RSAD2: variants seen among roughly 807,000 people sequenced by gnomAD.
RSAD2 encodes the protein S-adenosylmethionine-dependent nucleotide dehydratase RSAD2.
In RSAD2, 38 loss-of-function variants were observed where a neutral mutation model predicts 37.7. That is an observed-to-expected ratio of 1.01 (90% confidence interval 0.78 to 1.32). The LOEUF is 1.32. Among genes scored for constraint, RSAD2 ranks in the 40% most tolerant of loss-of-function variants. RSAD2 has a pLI of 0.00. For missense variants in RSAD2, 428 were observed against 437.5 expected, an observed-to-expected ratio of 0.98 and a Z score of 0.19; for synonymous variants, 163 against 157.4, an observed-to-expected ratio of 1.04 and a Z score of -0.27.
chr2:6,872,454 G>T (rs1324625366), intron 1 of RSAD2, among the ~76,000 whole-genome samples: 1 of 152,166 alleles, frequency 6.6e-6, no homozygotes, highest in Non-Finnish European at 1.5e-5. Context: ...CTAAGAAATA[G>T]TATGGTGATT....
At chr2:6,865,973 C>G in exon 1 of RSAD2, 2 of 967,378 alleles carry the variant, frequency 2.1e-6, no homozygotes, top group Non-Finnish European at 2.8e-6. Context: ...CGCGGCTCCG[C>G]GGGCCTGCGC....
chr2:6,888,249 T>C (rs1194343336), intron 3 of RSAD2, among the ~76,000 whole-genome samples: 2 of 152,196 alleles, frequency 1.3e-5, no homozygotes, highest in Admixed American at 6.5e-5. Context: ...TGTCCTGTAA[T>C]ATGTGGAAAT....
At chr2:6,872,477 T>C (rs758830173) in intron 1 of RSAD2, among the ~76,000 whole-genome samples, 43 of 152,162 alleles carry the variant, frequency 2.8e-4, no homozygotes, top group Non-Finnish European at 5.4e-4. Context: ...AGTGTGTGAT[T>C]AAGCTATTTA....
At chr2:6,888,016 T>C (rs982995509) in intron 3 of RSAD2, among the ~76,000 whole-genome samples, 5 of 152,232 alleles carry the variant, frequency 3.3e-5, no homozygotes, top group African/African-American at 7.2e-5. Context: ...AGTGGAAGGC[T>C]TCATATAGGA....
intron 1 of RSAD2, among the ~76,000 whole-genome samples, chr2:6,882,909 C>T (rs1247624924): frequency 2.0e-5 from 3 of 152,202 alleles, no homozygotes; most frequent in African/African-American, 7.2e-5. Flanking sequence ...TTAATTCCTG[C>T]TTTACGTTTT....
chr2:6,878,323 G>A lies in RSAD2; in HGVS notation c.346+177G>A, dbSNP rs372715957. 9.7e-4 allele frequency among the ~76,000 whole-genome samples: 148 copies of A among 152,306 alleles called. 1 individual carries two copies. Among genetic ancestry groups the A allele is most frequent in the African/African-American group, 3.5e-3 (144 of 41,570 alleles). ...AGAAAATAATTCAGTGAATTTTGGAGTGGGCACCTAGTCCTTCCTAAATCA... is the reference window on the plus strand; with the variant it reads ...AGAAAATAATTCAGTGAATTTTGGAATGGGCACCTAGTCCTTCCTAAATCA... On this transcript the variant is annotated intron_variant, in intron 1 of 5. Coordinates refer to ENST00000382040, the MANE Select transcript of RSAD2 (RefSeq NM_080657.5).
rs374378980 is a variant in RSAD2, at chr2:6,881,857, G to T, written c.347-1514G>T. On this transcript the variant is annotated intron_variant, in intron 1 of 5. Transcript: ENST00000382040. ...TCCTAGAACGCAGGCAGGCAGGTGT[G>T]TAATGCATAGACCCCATCCTCCTAA... 1.1e-3 allele frequency among the ~76,000 whole-genome samples: 170 copies of T among 152,098 alleles called. 1 individual carries two copies. The South Asian group carries it at 0.014, about 13-fold the overall frequency.
upstream of RSAD2, among the ~76,000 whole-genome samples, chr2:6,875,543 A>T (rs191240342): frequency 9.2e-5 from 14 of 152,206 alleles, no homozygotes; most frequent in African/African-American, 3.1e-4. Context: ...ATTCTTTTCC[A>T]ACTAGTACCC....
chr2:6,867,193 A>G (rs1337211590), intron 1 of RSAD2, among the ~76,000 whole-genome samples: 2 of 152,216 alleles, frequency 1.3e-5, no homozygotes, highest in African/African-American at 4.8e-5. Context: ...CCTGGCTGCC[A>G]TAACAAAATA....
In RSAD2 at chr2:6,878,147, G is replaced by A; in HGVS notation, c.346+1G>A. The A allele has an allele frequency of 6.2e-7, 1 of 1,611,352 alleles. No individual in the cohort carries two copies. Among genetic ancestry groups the A allele is most frequent in the Non-Finnish European group, 8.5e-7 (1 of 1,178,608 alleles). On this transcript the variant is annotated splice_donor_variant, in intron 1 of 5. Transcript: ENST00000382040. LOFTEE classifies it high-confidence loss of function. ...GGATTGCTTTTGCTTAAGGAAGCTG[G>A]TGAGTACATGGTCCTAGACAGAAAT...
upstream of RSAD2, among the ~76,000 whole-genome samples, chr2:6,874,837 T>G (rs1269407402): frequency 6.6e-6 from 1 of 152,248 alleles, no homozygotes; most frequent in Non-Finnish European, 1.5e-5. Flanking sequence ...GTGAGCATTC[T>G]TATTTTATTT....
At chr2:6,868,890 A>G (rs1240992612) in intron 1 of RSAD2, among the ~76,000 whole-genome samples, 1 of 152,154 alleles carries the variant, frequency 6.6e-6, no homozygotes, top group Non-Finnish European at 1.5e-5. Flanking sequence ...CTTTATATTC[A>G]TGGTTGGTGA....
upstream of RSAD2, among the ~76,000 whole-genome samples, chr2:6,873,987 G>A (rs1024627456): frequency 6.6e-6 from 1 of 152,180 alleles, no homozygotes; most frequent in African/African-American, 2.4e-5. Flanking sequence ...AAACCTCAAT[G>A]TTGGAGGTGC....
At chr2:6,875,724 T>C (rs1663269732), upstream of RSAD2, among the ~76,000 whole-genome samples, 1 of 152,188 alleles carries the variant, frequency 6.6e-6, no homozygotes, top group African/African-American at 2.4e-5. Flanking sequence ...TCCCATCTAT[T>C]CAGTTATCCC....
chr2:6,871,460 C>T lies in RSAD2; in HGVS notation c.142+5415C>T, dbSNP rs531140543. On this transcript the variant is annotated intron_variant, in intron 1 of 5. Transcript: ENST00000442639. ...TTAATTTTAATCCTCCTCTAGCACA[C>T]GCAGACTCCTTGTTGAGAAAGCTTA... is the stretch of plus-strand genomic sequence containing the variant. 5.3e-5 allele frequency among the ~76,000 whole-genome samples: 8 copies of T among 152,360 alleles called. No individual in the cohort carries two copies. In the South Asian group the frequency reaches 1.2e-3, roughly 24 times the overall value.
At chr2:6,870,080 C>G (rs939234186) in intron 1 of RSAD2, among the ~76,000 whole-genome samples, 1 of 152,112 alleles carries the variant, frequency 6.6e-6, no homozygotes, top group African/African-American at 2.4e-5. Context: ...TGATTGGGAC[C>G]CTAGGTGGGA....
Position 6,866,326 on chromosome 2 carries a change from T to C in RSAD2, c.142+281T>C, listed in dbSNP as rs551445984. 8 of 619,508 alleles carry C rather than the reference T, an allele frequency of 1.3e-5. No individual in the cohort carries two copies. The East Asian group carries it at 4.2e-4, about 32-fold the overall frequency. 38.4% of individuals were successfully genotyped at this position (619,508 alleles called of 1,614,324 possible). A position where few individuals can be genotyped will look rare whatever the true frequency, so the allele number is the denominator to read the frequency against. ...CTCTAATCCTGCAGAGCTGCTTTCC[T>C]GCGGGAACAGGGCGCAGTTCTGGCT... On this transcript the variant is annotated intron_variant, in intron 1 of 5. Coordinates refer to the RSAD2 transcript ENST00000442639.
upstream of RSAD2, among the ~76,000 whole-genome samples, chr2:6,876,496 G>C (rs561931437): frequency 9.9e-5 from 15 of 152,166 alleles, no homozygotes; most frequent in Non-Finnish European, 2.2e-4. Context: ...ATGATCACAT[G>C]TTTATGAAGA....
chr2:6,866,821 G>GTTTTTTTT (rs61044752), intron 1 of RSAD2, among the ~76,000 whole-genome samples: 1 of 149,550 alleles, frequency 6.7e-6, no homozygotes, highest in Non-Finnish European at 1.5e-5. Context: ...GCTGAAAGCA[G>GTTTTTTTT]TTTTTTTTTT....
Sources: allele counts gnomAD v4.1 joint callset (sites outside exome capture counted in the v4.1 genomes callset), GRCh38; gene constraint gnomAD v4.1.1; transcripts MANE v1.5; gene names NCBI Gene and HGNC (gene_info 2026-07-23, HGNC 2026-07-21).